The following SAV1 variants were observed in gnomAD, a reference collection of about 807,000 sequenced individuals.
SAV1 encodes protein salvador homolog 1.
SAV1 carries 23 observed loss-of-function variants against 47.3 expected under a neutral mutation model. That is an observed-to-expected ratio of 0.49 (90% CI 0.35 to 0.69). The LOEUF (loss-of-function observed/expected upper bound fraction) is 0.69. SAV1 is among the 30% of genes least tolerant of loss of function. The pLI, the probability that SAV1 is intolerant of heterozygous loss-of-function variation, is 0.01. For synonymous variants in SAV1, 155 were observed against 159.2 expected (o/e 0.97, Z 0.20); for missense variants, 448 against 457.4 (o/e 0.98, Z 0.19).
At position 50,635,185 on chromosome 14, in the gene SAV1, A is replaced by C; in HGVS notation, c.1150T>G (p.Ter384GlyextTer7). Residue 384 changes from the stop codon to glycine, a stop_lost, in exon 5 of 5, where the codon TGA becomes GGA. Transcript: ENST00000324679. ...WYAQQHGKNF[*>G] ...ACTTAAATTTTTAAAAAATCAGCTC[A>C]AAAATTTTTTCCATGTTGTTGGGCA... 2 of 1,610,164 alleles carry C rather than the reference A, an allele frequency of 1.2e-6. No homozygotes were observed. Among genetic ancestry groups the C allele is most frequent in the Non-Finnish European group, 1.7e-6 (2 of 1,178,848 alleles).
chr14:50,650,204 A>G (rs1810226357), intron 2 of SAV1, among the ~76,000 whole-genome samples: 2 of 152,258 alleles, frequency 1.3e-5, no homozygotes, highest in Admixed American at 6.5e-5. Context: ...TACAATGCAT[A>G]TGCATAAGGC....
At chr14:50,663,853 GT>G (rs1278106718) in intron 2 of SAV1, among the ~76,000 whole-genome samples, 2 of 152,180 alleles carry the variant, frequency 1.3e-5, no homozygotes, top group African/African-American at 4.8e-5. Context: ...TAAGCCTATT[GT>G]TGAACCACAA....
intron 3 of SAV1, among the ~76,000 whole-genome samples, chr14:50,642,067 A>G (rs1354756707): frequency 1.3e-5 from 2 of 152,200 alleles, no homozygotes; most frequent in African/African-American, 2.4e-5. Context: ...AGCAACACTG[A>G]TGGAACTGGA....
intron 2 of SAV1, among the ~76,000 whole-genome samples, chr14:50,649,359 A>G (rs1566743494): frequency 6.6e-6 from 1 of 152,204 alleles, no homozygotes; most frequent in Non-Finnish European, 1.5e-5. Flanking sequence ...TGTTTTGTTC[A>G]CAGATACATC....
intron 2 of SAV1, among the ~76,000 whole-genome samples, chr14:50,652,716 G>A (rs2039779042): frequency 6.6e-6 from 1 of 152,162 alleles, no homozygotes. Flanking sequence ...TGGAACATGA[G>A]AAAAACATCA....
chr14:50,636,188 A>G (rs947802744), intron 4 of SAV1, among the ~76,000 whole-genome samples: 5 of 152,242 alleles, frequency 3.3e-5, no homozygotes, highest in East Asian at 1.9e-4. Flanking sequence ...TGTGCTACTT[A>G]TAAGTTCATC....
At chr14:50,667,056 G>A (rs1222770338) in intron 1 of SAV1, among the ~76,000 whole-genome samples, 3 of 152,080 alleles carry the variant, frequency 2.0e-5, no homozygotes, top group Non-Finnish European at 4.4e-5. Context: ...CGCAGTAAGA[G>A]CACCAAAATA....
At chr14:50,664,364 CATTTT>C in intron 2 of SAV1, 1 of 152,174 alleles carries the variant, frequency 6.6e-6, no homozygotes, top group South Asian at 2.1e-4. Context: ...ATCTGTCTCA[CATTTT>C]ATTTTTATCC....
At chr14:50,638,521 T>C (rs2039655003) in intron 4 of SAV1, among the ~76,000 whole-genome samples, 1 of 152,068 alleles carries the variant, frequency 6.6e-6, no homozygotes, top group African/African-American at 2.4e-5. Flanking sequence ...TATCCTCAGC[T>C]CCAGGTATCA....
chr14:50,644,614 T>C (rs946847364), intron 3 of SAV1, 130 bp downstream of exon 3: 22 of 845,912 alleles, frequency 2.6e-5, no homozygotes, highest in Middle Eastern at 3.8e-4. Context: ...GAGAAAAATG[T>C]AAATTTTGAA....
intron 3 of SAV1, among the ~76,000 whole-genome samples, chr14:50,644,364 G>C (rs1395046945): frequency 6.6e-6 from 1 of 152,164 alleles, no homozygotes; most frequent in Non-Finnish European, 1.5e-5. Flanking sequence ...ACAGCAAAAT[G>C]TTATAATTCA....
At chr14:50,652,368 G>T (rs1269549769) in intron 2 of SAV1, among the ~76,000 whole-genome samples, 5 of 152,154 alleles carry the variant, frequency 3.3e-5, no homozygotes, top group African/African-American at 7.2e-5. Context: ...CCATTGAAAA[G>T]GTCTACAAGC....
At chr14:50,640,480 G>A (rs577913857) in intron 4 of SAV1, among the ~76,000 whole-genome samples, 104 of 152,218 alleles carry the variant, frequency 6.8e-4, no homozygotes, top group African/African-American at 2.3e-3. Flanking sequence ...CTTCTCCTAT[G>A]AGAATGTAAG....
At chr14:50,655,223 A>G (rs2039802403) in intron 2 of SAV1, among the ~76,000 whole-genome samples, 1 of 152,202 alleles carries the variant, frequency 6.6e-6, no homozygotes, top group Admixed American at 6.5e-5. Context: ...ATTACTTTAC[A>G]TTCTAATATG....
intron 2 of SAV1, among the ~76,000 whole-genome samples, chr14:50,651,224 T>C (rs1248904852): frequency 6.6e-6 from 1 of 152,176 alleles, no homozygotes; most frequent in Non-Finnish European, 1.5e-5. Flanking sequence ...AGTTTGGAAG[T>C]AATGTGTTTT....
At chr14:50,650,741 G>A (rs994460744) in intron 2 of SAV1, among the ~76,000 whole-genome samples, 2 of 152,312 alleles carry the variant, frequency 1.3e-5, no homozygotes, top group African/African-American at 4.8e-5. Flanking sequence ...GGATCTTTTG[G>A]CCGGGCGCAG....
chr14:50,667,826 C>G (rs1566750243), intron 1 of SAV1, 48 bp downstream of exon 1: 2 of 1,528,758 alleles, frequency 1.3e-6, no homozygotes, highest in South Asian at 2.3e-5. Context: ...GTCCCCGGAG[C>G]ACCTGGCCGC....
Position 50,658,583 on chromosome 14 carries a change from T to C in SAV1, c.535+6596A>G, listed in dbSNP as rs577537361. Among the ~76,000 whole-genome samples, 30 of 152,326 alleles carry C rather than the reference T, an allele frequency of 2.0e-4. No homozygotes were observed. In the South Asian group the frequency reaches 6.2e-3, roughly 32 times the overall value. ...GCTGAATTTAACCCTTGACACAAGG[T>C]GTTTCCTGAAAATCTAATAACTAAT... is the stretch of plus-strand genomic sequence containing the variant. On this transcript the variant is annotated intron_variant, in intron 2 of 4. Coordinates refer to ENST00000324679, the MANE Select transcript of SAV1 (RefSeq NM_021818.4).
intron 1 of SAV1, 28 bp downstream of exon 1, chr14:50,667,846 G>T: frequency 3.1e-6 from 5 of 1,602,586 alleles, no homozygotes; most frequent in Non-Finnish European, 4.3e-6. Context: ...CCTGGGCCAG[G>T]TGTGGGCACG....
Sources: gnomAD v4.1 joint callset for allele counts (sites outside exome capture counted in the v4.1 genomes callset) on GRCh38, gnomAD v4.1.1 for gene constraint, MANE v1.5 for transcripts, NCBI Gene and HGNC (gene_info 2026-07-23, HGNC 2026-07-21) for gene names.